The following ARSB variants were observed in gnomAD, a reference collection of about 807,000 sequenced individuals.
The protein encoded by ARSB is N-acetylgalactosamine-4-sulfatase.
A neutral mutation model predicts 50.9 loss-of-function variants in ARSB; 41 were observed. The observed-to-expected ratio is 0.81, with a 90% CI of 0.63 to 1.04. The LOEUF (loss-of-function observed/expected upper bound fraction) is 1.04, where lower values mean the gene tolerates loss of function less well. ARSB is among the 50% of genes least tolerant of loss of function. ARSB has a pLI of 0.00. For synonymous variants in ARSB, 269 were observed against 284.8 expected, an observed-to-expected ratio of 0.94 and a Z score of 0.56; for missense variants, 672 against 693.3, an observed-to-expected ratio of 0.97 and a Z score of 0.35.
At chr5:78,892,950 A>G (rs554982730) in intron 4 of ARSB, among the ~76,000 whole-genome samples, 3 of 152,064 alleles carry the variant, frequency 2.0e-5, no homozygotes, top group Non-Finnish European at 4.4e-5. Context: ...GGCACCAAAT[A>G]ACCGATTGAT....
At chr5:78,851,318 C>T (rs1356021004) in intron 5 of ARSB, among the ~76,000 whole-genome samples, 1 of 152,112 alleles carries the variant, frequency 6.6e-6, no homozygotes, top group Non-Finnish European at 1.5e-5. Context: ...TCGTTAAGTA[C>T]CCAGTAGTCA....
intron 4 of ARSB, among the ~76,000 whole-genome samples, chr5:78,891,023 C>A (rs1018320817): frequency 6.6e-6 from 1 of 152,146 alleles, no homozygotes; most frequent in African/African-American, 2.4e-5. Context: ...GCTTTGTCTT[C>A]CCCATGAACT....
intron 1 of ARSB, among the ~76,000 whole-genome samples, chr5:78,970,688 T>C (rs563038059): frequency 1.3e-5 from 2 of 152,286 alleles, no homozygotes; most frequent in East Asian, 1.9e-4. Context: ...GCGGGGTGGC[T>C]TATCCCTACA....
intron 6 of ARSB, among the ~76,000 whole-genome samples, chr5:78,830,677 A>C (rs1744631536): frequency 6.6e-6 from 1 of 152,194 alleles, no homozygotes; most frequent in Non-Finnish European, 1.5e-5. Context: ...TTTGGCATCA[A>C]AAAGGCCACA....
intron 6 of ARSB, among the ~76,000 whole-genome samples, chr5:78,789,481 T>G (rs930115822): frequency 2.6e-5 from 4 of 152,174 alleles, no homozygotes; most frequent in Non-Finnish European, 5.9e-5. Flanking sequence ...CAGTTTGGCT[T>G]CTGAAGAGGG....
intron 4 of ARSB, among the ~76,000 whole-genome samples, chr5:78,945,490 G>A (rs538879498): frequency 6.6e-6 from 1 of 152,074 alleles, no homozygotes; most frequent in Non-Finnish European, 1.5e-5. Context: ...TTACTCAAGT[G>A]CTCCTTATCT....
Position 78,955,425 on chromosome 5 carries a change from G to A in ARSB, c.768C>T (p.Asp256=). The change falls in exon 4 of 8, where the codon GAC becomes GAT. Residue 256 remains aspartate, a synonymous_variant. Transcript: ENST00000264914. Reference sequence around the variant, plus strand: ...GATGCCTGTTCTTGTCTTGGATAAAGTCATATGGCTTCAAGTATTCCTCAG... The same window carrying A: ...GATGCCTGTTCTTGTCTTGGATAAAATCATATGGCTTCAAGTATTCCTCAG... ...QVPEEYLKPY[D]FIQDKNRHHY... The A allele has an allele frequency of 6.2e-7, 1 of 1,614,202 alleles. No homozygotes were observed.
intron 6 of ARSB, among the ~76,000 whole-genome samples, chr5:78,832,115 C>T (rs1299388553): frequency 1.3e-5 from 2 of 151,990 alleles, no homozygotes; most frequent in Non-Finnish European, 2.9e-5. Flanking sequence ...CACTATGAGG[C>T]AGCAAGAGCT....
intron 4 of ARSB, among the ~76,000 whole-genome samples, chr5:78,942,953 T>C (rs1235817685): frequency 6.6e-6 from 1 of 152,202 alleles, no homozygotes; most frequent in Admixed American, 6.5e-5. Context: ...GCTTTATGAA[T>C]CTGGGTGCTC....
At chr5:78,977,329 T>G (rs1490810433) in intron 1 of ARSB, among the ~76,000 whole-genome samples, 1 of 152,134 alleles carries the variant, frequency 6.6e-6, no homozygotes, top group African/African-American at 2.4e-5. Flanking sequence ...AATTTTTGTA[T>G]TTTTAGTAGA....
chr5:78,981,388 C>T (rs1000048669), intron 1 of ARSB, among the ~76,000 whole-genome samples: 1 of 152,168 alleles, frequency 6.6e-6, no homozygotes, highest in Non-Finnish European at 1.5e-5. Flanking sequence ...TTTGTGAGGG[C>T]TGTGAACAAT....
chr5:78,893,369 C>T (rs1748408166), intron 4 of ARSB, among the ~76,000 whole-genome samples: 1 of 152,200 alleles, frequency 6.6e-6, no homozygotes, highest in Non-Finnish European at 1.5e-5. Context: ...AAAAAAGATG[C>T]ATGCAGGGAA....
intron 1 of ARSB, 112 bp downstream of exon 1, chr5:78,984,825 G>A: frequency 1.1e-6 from 1 of 872,180 alleles, no homozygotes; most frequent in Non-Finnish European, 1.5e-6. Flanking sequence ...AACTGGGTCG[G>A]CGGTCCGAGC....
At chr5:78,781,401 C>CCAGAGATATGTTTT (rs1462451235) in intron 7 of ARSB, among the ~76,000 whole-genome samples, 5 of 149,464 alleles carry the variant, frequency 3.3e-5, no homozygotes, top group African/African-American at 1.2e-4. Context: ...TTCAGCAGCC[C>CCAGAGATATGTTTT]CAGAGATATG....
At chr5:78,933,303 C>T (rs960186460) in intron 4 of ARSB, among the ~76,000 whole-genome samples, 3 of 152,132 alleles carry the variant, frequency 2.0e-5, no homozygotes, top group Non-Finnish European at 4.4e-5. Context: ...TCTGGATTTA[C>T]AACAAAATCC....
intron 5 of ARSB, among the ~76,000 whole-genome samples, chr5:78,874,177 T>A (rs1349141688): frequency 6.6e-6 from 1 of 152,208 alleles, no homozygotes; most frequent in African/African-American, 2.4e-5. Context: ...TTAATAAACA[T>A]GCAAGAATTC....
intron 6 of ARSB, among the ~76,000 whole-genome samples, chr5:78,821,348 G>C (rs1281267876): frequency 3.9e-5 from 6 of 152,120 alleles, no homozygotes; most frequent in Non-Finnish European, 8.8e-5. Context: ...ATGTCAGCCA[G>C]GTTGGTCTCG....
rs1752340998 is a variant in ARSB at position 78,969,178 on chromosome 5, T to A, written c.327A>T (p.Leu109Phe). 6.2e-7 allele frequency: 1 copy of A among 1,614,154 alleles called. No individual in the cohort carries two copies. Among genetic ancestry groups the A allele is most frequent in the East Asian group, 2.2e-5 (1 of 44,882 alleles). Residue 109 changes from leucine to phenylalanine, a missense_variant, in exon 2 of 8, where the codon TTA (leucine) becomes TTT (phenylalanine). Coordinates refer to ENST00000264914, the MANE Select transcript of ARSB (RefSeq NM_000046.5). The stretch of plus-strand genomic sequence containing the variant: ...GACAGGGCCAGATTATTTGGTGCTG[T>A]AAACCTGTACGGATCTTACAGAGAT... Reference protein sequence around the residue: ...LTGRYQIRTGLQHQIIWPCQP... With the variant: ...LTGRYQIRTGFQHQIIWPCQP...
intron 5 of ARSB, among the ~76,000 whole-genome samples, chr5:78,864,395 A>G (rs532475490): frequency 5.6e-4 from 86 of 152,308 alleles, no homozygotes; most frequent in African/African-American, 1.9e-3. Context: ...TGACAAAACC[A>G]TCAGATCTCA....
Sources: gnomAD v4.1 joint callset for allele counts (sites outside exome capture counted in the v4.1 genomes callset) on GRCh38, gnomAD v4.1.1 for gene constraint, MANE v1.5 for transcripts, NCBI Gene and HGNC (gene_info 2026-07-23, HGNC 2026-07-21) for gene names.